The following OXTR variants were observed in gnomAD, a reference collection of about 807,000 sequenced individuals.
The protein encoded by OXTR is oxytocin receptor.
OXTR carries 19 observed loss-of-function variants against 23.9 expected under a neutral mutation model. The observed-to-expected ratio is 0.80, with a 90% confidence interval of 0.56 to 1.17. OXTR has a LOEUF of 1.17. OXTR is among the 50% of genes most tolerant of loss of function. OXTR has a pLI of 0.00. For missense variants in OXTR, 500 were observed against 550.7 expected (o/e 0.91, Z 0.92); for synonymous variants, 278 against 250.5 (o/e 1.11, Z -1.04).
At chr3:8,761,504 G>A (rs1319175745) in intron 3 of OXTR, among the ~76,000 whole-genome samples, 2 of 151,254 alleles carry the variant, frequency 1.3e-5, no homozygotes. Context: ...GCCTGGGGCG[G>A]CAGGGGTTGG....
At chr3:8,744,902 C>T in the OXTR span, 1 of 153,314 alleles carries the variant, frequency 6.5e-6, no homozygotes, top group African/African-American at 2.4e-5. Flanking sequence ...CTAGGAACAG[C>T]AGCAGCTTGG....
chr3:8,767,132 C>T, intron 3 of OXTR, 134 bp downstream of exon 3: 1 of 786,206 alleles, frequency 1.3e-6, no homozygotes, highest in Non-Finnish European at 1.9e-6. Context: ...GATGACAGAG[C>T]AGTGACTCTG....
intron 3 of OXTR, among the ~76,000 whole-genome samples, chr3:8,754,291 C>A (rs1208546096): frequency 6.6e-6 from 1 of 152,186 alleles, no homozygotes. Flanking sequence ...TACTTCCAAG[C>A]ACGGGGATAA....
the OXTR span, among the ~76,000 whole-genome samples, chr3:8,743,372 C>T: frequency 4.4e-4 from 67 of 152,202 alleles, no homozygotes; most frequent in Admixed American, 2.0e-3. Context: ...CATCCCTGTT[C>T]CAATCCCGAA....
chr3:8,745,811 G>T (rs773309037), downstream of OXTR: 7 of 1,613,784 alleles, frequency 4.3e-6, no homozygotes, highest in Non-Finnish European at 5.9e-6. This position sits in a 1 kb window ranked among gnomAD's most constrained non-coding sequence, Gnocchi z 4.8. Context: ...CCCACTCTTC[G>T]CGGCCCTGGG....
chr3:8,744,445 A>ATTTTTTTT, the OXTR span, among the ~76,000 whole-genome samples: 458 of 111,318 alleles, frequency 4.1e-3, no homozygotes, highest in African/African-American at 7.7e-3. Context: ...TACCCGGCTA[A>ATTTTTTTT]TTTTTTTTTT....
intron 3 of OXTR, among the ~76,000 whole-genome samples, chr3:8,754,675 G>C (rs1294783851): frequency 6.6e-6 from 1 of 152,182 alleles, no homozygotes; most frequent in Non-Finnish European, 1.5e-5. Context: ...GTCTACATGA[G>C]TGGCTCTCAA....
At chr3:8,742,731 G>T in the OXTR span, 1 of 298,304 alleles carries the variant, frequency 3.4e-6, no homozygotes, top group Non-Finnish European at 6.7e-6. Context: ...TGGATGTGTG[G>T]GTGGGTGGAT....
At chr3:8,745,924 C>G, downstream of OXTR, 1 of 1,428,362 alleles carries the variant, frequency 7.0e-7, no homozygotes, top group Non-Finnish European at 9.7e-7. This position sits in a 1 kb window ranked among gnomAD's most constrained non-coding sequence, Gnocchi z 4.8. Context: ...GACTGGTCCC[C>G]GGGGGACTTC....
At chr3:8,753,696 T>C (rs1376416801) in intron 3 of OXTR, among the ~76,000 whole-genome samples, 1 of 152,138 alleles carries the variant, frequency 6.6e-6, no homozygotes, top group Admixed American at 6.5e-5. Flanking sequence ...TCCTAATCTT[T>C]AAATGGGCAT....
At chr3:8,760,652 GT>G (rs1482640599) in intron 3 of OXTR, among the ~76,000 whole-genome samples, 1 of 152,234 alleles carries the variant, frequency 6.6e-6, no homozygotes, top group Admixed American at 6.5e-5. Context: ...AGACCATGAG[GT>G]AAAAGGCATC....
chr3:8,743,670 G>A, the OXTR span, among the ~76,000 whole-genome samples: 1 of 152,102 alleles, frequency 6.6e-6, no homozygotes, highest in East Asian at 1.9e-4. Context: ...TCATCCTCAG[G>A]GATCCCCAGC....
Position 8,760,346 on chromosome 3 carries a change from A to T in OXTR, c.922+6920T>A, listed in dbSNP as rs183043387. On this transcript the variant is annotated intron_variant, in intron 3 of 3. Coordinates refer to ENST00000316793, the MANE Select transcript of OXTR (RefSeq NM_000916.4). ...CAGAACTCTGTGATCAACCTTGACC[A>T]CACGGTCCCACATTTATGCATGTCA... 1.8e-3 allele frequency among the ~76,000 whole-genome samples: 269 copies of T among 152,308 alleles called. 3 individuals are homozygous for T. The highest frequency in any genetic ancestry group is 6.3e-3 in the African/African-American group (260 of 41,574).
chr3:8,765,001 C>G (rs911242150), intron 3 of OXTR, among the ~76,000 whole-genome samples: 3 of 152,206 alleles, frequency 2.0e-5, no homozygotes, highest in Admixed American at 6.5e-5. Flanking sequence ...TTCCCTGCCC[C>G]TTGGGCTTCA....
chr3:8,762,360 G>A (rs1708507045), intron 3 of OXTR, among the ~76,000 whole-genome samples: 1 of 152,162 alleles, frequency 6.6e-6, no homozygotes, highest in South Asian at 2.1e-4. Flanking sequence ...ACCTTTGGGG[G>A]GAAAAGAAGT....
chr3:8,759,209 G>T (rs1708437786), intron 3 of OXTR, among the ~76,000 whole-genome samples: 1 of 152,204 alleles, frequency 6.6e-6, no homozygotes, highest in African/African-American at 2.4e-5. Context: ...CTGCTTCTTT[G>T]CATAGTAAGC....
chr3:8,761,464 C>T (rs375019556), intron 3 of OXTR, among the ~76,000 whole-genome samples: 310 of 152,158 alleles, frequency 2.0e-3, no homozygotes, highest in African/African-American at 6.6e-3. Flanking sequence ...ATCCCCAAGT[C>T]GAAGGTGTAG....
chr3:8,760,036 T>G (rs1016578135), intron 3 of OXTR, among the ~76,000 whole-genome samples: 1 of 152,226 alleles, frequency 6.6e-6, no homozygotes, highest in East Asian at 1.9e-4. Flanking sequence ...ATCCTTGGAC[T>G]TGCCACCATG....
intron 3 of OXTR, among the ~76,000 whole-genome samples, chr3:8,758,346 C>A (rs1329302989): frequency 1.3e-5 from 2 of 152,122 alleles, no homozygotes; most frequent in African/African-American, 4.8e-5. Flanking sequence ...CTGAGGCTAC[C>A]GGCACGTTTC....
Sources: gnomAD v4.1 joint callset for allele counts (sites outside exome capture counted in the v4.1 genomes callset) on GRCh38, gnomAD v4.1.1 for gene constraint, Gnocchi (gnomAD v3.1) non-coding constraint, MANE v1.5 for transcripts, NCBI Gene and HGNC (gene_info 2026-07-23, HGNC 2026-07-21) for gene names.